PHACTR3: variants seen among roughly 807,000 people sequenced by gnomAD.
The protein encoded by PHACTR3 is phosphatase and actin regulator 3.
A neutral mutation model predicts 66.8 loss-of-function variants in PHACTR3; 16 were observed. The ratio of observed to expected loss-of-function variants is 0.24; its 90% CI spans 0.16 to 0.36. PHACTR3 has a LOEUF of 0.36. Among genes scored for constraint, PHACTR3 ranks in the 10% least tolerant of loss-of-function variants. The pLI is 1.00. For synonymous variants in PHACTR3, 323 were observed against 292.1 expected (o/e 1.11, Z -1.08); for missense variants, 647 against 719.9 (o/e 0.90, Z 1.16).
intron 1 of PHACTR3, among the ~76,000 whole-genome samples, chr20:59,719,270 A>T (rs1446375390): frequency 1.3e-5 from 2 of 151,986 alleles, no homozygotes; most frequent in African/African-American, 4.8e-5. Context: ...GGTTCAAGCA[A>T]TTCTCTGCCT....
At chr20:59,716,317 A>G (rs6070921) in intron 1 of PHACTR3, among the ~76,000 whole-genome samples, 8,983 of 148,410 alleles carry the variant, frequency 0.061, 299 homozygotes, top group Non-Finnish European at 0.081. Context: ...TGCGATCTCG[A>G]TCTCAGCTCA....
chr20:59,641,671 C>A (rs373923278), intron 1 of PHACTR3, among the ~76,000 whole-genome samples: 63 of 152,256 alleles, frequency 4.1e-4, no homozygotes, highest in African/African-American at 1.5e-3. Context: ...TGTGTGGGCA[C>A]CCTCAGGCCC....
intron 1 of PHACTR3, among the ~76,000 whole-genome samples, chr20:59,684,158 G>A (rs994204679): frequency 2.6e-5 from 4 of 152,208 alleles, no homozygotes; most frequent in Non-Finnish European, 4.4e-5. Context: ...TCTGGGCACA[G>A]GCTTTCTCTC....
At chr20:59,780,190 G>A (rs1184471721) in intron 7 of PHACTR3, among the ~76,000 whole-genome samples, 1 of 152,170 alleles carries the variant, frequency 6.6e-6, no homozygotes, top group Non-Finnish European at 1.5e-5. Context: ...TGCTCCTCCT[G>A]CAGACAGCTT....
intron 8 of PHACTR3, among the ~76,000 whole-genome samples, chr20:59,828,061 C>T (rs1348506557): frequency 6.6e-6 from 1 of 152,222 alleles, no homozygotes; most frequent in Non-Finnish European, 1.5e-5. Context: ...CCCCATTCCA[C>T]TTGACTTCTG....
chr20:59,578,801 G>A (rs1223371411), intron 1 of PHACTR3, among the ~76,000 whole-genome samples: 3 of 152,192 alleles, frequency 2.0e-5, no homozygotes, highest in African/African-American at 7.2e-5. Context: ...TTGAGAGCCC[G>A]CTATCTGCCA....
intron 10 of PHACTR3, 152 bp from the exon 11 acceptor site, chr20:59,841,243 A>C (rs1349650921): frequency 1.5e-6 from 1 of 688,592 alleles, no homozygotes; most frequent in Non-Finnish European, 2.4e-6. Flanking sequence ...TCAGCCCTTC[A>C]CATTAGAGAT....
upstream of PHACTR3, among the ~76,000 whole-genome samples, chr20:59,599,781 C>T (rs55745252): frequency 7.5e-3 from 1,143 of 152,302 alleles, 10 homozygotes; most frequent in African/African-American, 0.026. Flanking sequence ...CTGTGGGAGC[C>T]ACCTTCAGAG....
intron 1 of PHACTR3, among the ~76,000 whole-genome samples, chr20:59,680,179 G>A (rs1300521340): frequency 2.0e-5 from 3 of 152,020 alleles, no homozygotes; most frequent in Admixed American, 2.0e-4. Flanking sequence ...GATGTGTTGT[G>A]CTGAACCCCT....
At chr20:59,723,949 TC>T (rs1393121436) in intron 1 of PHACTR3, among the ~76,000 whole-genome samples, 1 of 152,082 alleles carries the variant, frequency 6.6e-6, no homozygotes, top group East Asian at 1.9e-4. Context: ...CCAGACTCCT[TC>T]CATGTTGGCT....
rs1197142156 is a variant in PHACTR3 at position 59,755,204 on chromosome 20, C to A, written c.381C>A (p.Asn127Lys). The A allele has an allele frequency of 1.9e-6, 3 of 1,612,970 alleles. No individual in the cohort carries two copies. The highest frequency in any genetic ancestry group is 2.5e-6 in the Non-Finnish European group (3 of 1,179,920). The change falls in exon 4 of 13, where the codon AAC (asparagine) becomes AAA (lysine). Residue 127 changes from asparagine (N) to lysine (K), a missense_variant. Asn to Lys is a moderately conservative substitution (Grantham distance 94, BLOSUM62 0). Around this residue, in one of 2 missense-constraint regions of PHACTR3, gnomAD observed 577 missense variants for 571.1 expected, o/e 1.01. Coordinates refer to ENST00000371015, the MANE Select transcript of PHACTR3 (RefSeq NM_080672.5). The part of the protein sequence containing the change: ...MEQDAESKTC[N>K]PDGGPRSVQS... Reference sequence around the variant, plus strand: ...TAGATGCTGAAAGCAAAACTTGCAACCCCGATGGAGGACCCCGATCTGTAC... The same window carrying A: ...TAGATGCTGAAAGCAAAACTTGCAAACCCGATGGAGGACCCCGATCTGTAC...
intron 8 of PHACTR3, among the ~76,000 whole-genome samples, chr20:59,816,563 C>A (rs1245073344): frequency 6.6e-6 from 1 of 152,190 alleles, no homozygotes; most frequent in Admixed American, 6.5e-5. Flanking sequence ...TTTCACAACT[C>A]CCTGGAACTC....
At position 59,839,987 on chromosome 20, in the gene PHACTR3, G is replaced by A. The variant is rs1239184744; in HGVS notation, c.1385-382G>A. 3.3e-5 allele frequency among the ~76,000 whole-genome samples: 5 copies of A among 152,190 alleles called. No homozygotes were observed. The South Asian group carries it at 1.0e-3, about 32-fold the overall frequency. On this transcript the variant is annotated intron_variant, in intron 9 of 12. Transcript: ENST00000371015. The stretch of plus-strand genomic sequence containing the variant: ...ATGTACATATACATTTATTTACTTA[G>A]TCTACTACAGCTTTTTTTATGTGGC...
At chr20:59,841,650 C>G (rs1237660832) in intron 11 of PHACTR3, 115 bp downstream of exon 11, 3 of 1,068,102 alleles carry the variant, frequency 2.8e-6, no homozygotes, top group Non-Finnish European at 3.8e-6. Context: ...TAAGGGTATA[C>G]TGCAGTAAAT....
intron 1 of PHACTR3, among the ~76,000 whole-genome samples, chr20:59,684,408 G>A (rs980484840): frequency 6.6e-6 from 1 of 152,172 alleles, no homozygotes; most frequent in African/African-American, 2.4e-5. Flanking sequence ...GGTTGCCCAG[G>A]CCTGGAGGTG....
intron 1 of PHACTR3, among the ~76,000 whole-genome samples, chr20:59,585,247 C>T (rs2032988780): frequency 6.6e-6 from 1 of 152,178 alleles, no homozygotes; most frequent in African/African-American, 2.4e-5. Context: ...GAACCCACCT[C>T]TCAGTGGGAG....
rs1262140031 is a variant in PHACTR3, at chr20:59,822,175, GATCCCACCCCCTCCGCAGCC to G, written c.1329-14295_1329-14276del. On this transcript the variant is annotated intron_variant, in intron 8 of 12. Transcript: ENST00000371015. ...GCAGCGATCCCACCCCTTCCGCAGC[GATCCCACCCCCTCCGCAGCC>G]ATCCCACCCCCTCCGCAGCCATCCC... Among the ~76,000 whole-genome samples, 17 of 23,242 alleles carry G rather than the reference GATCCCACCCCCTCCGCAGCC, an allele frequency of 7.3e-4. 1 individual carries two copies. Among genetic ancestry groups the G allele is most frequent in the South Asian group, 3.4e-3 (1 of 290 alleles). The allele number at this position is 23,242 out of a possible 152,430, so 15.2% of individuals were successfully genotyped here. A position where few individuals can be genotyped will look rare whatever the true frequency, so the allele number is the denominator to read the frequency against.
chr20:59,588,504 T>C (rs951634569), intron 1 of PHACTR3, among the ~76,000 whole-genome samples: 10 of 152,178 alleles, frequency 6.6e-5, no homozygotes, highest in East Asian at 1.9e-4. Flanking sequence ...TCTCAGCTCT[T>C]CCTGGCTGAA....
Position 59,783,780 on chromosome 20 carries a change from G to A in PHACTR3, c.1174+9290G>A, listed in dbSNP as rs145364613. Among the ~76,000 whole-genome samples the A allele has an allele frequency of 6.8e-3, 1,030 of 152,362 alleles. 18 individuals are homozygous for A. Among genetic ancestry groups the A allele is most frequent in the African/African-American group, 0.024 (980 of 41,594 alleles). On this transcript the variant is annotated intron_variant, in intron 7 of 12. Coordinates refer to ENST00000371015, the MANE Select transcript of PHACTR3 (RefSeq NM_080672.5). ...GCCCGCAGGTGCCTGCAGCAAGGGG[G>A]AGGCAGGAGCCCCCAGGAGGTGATT...
Sources: gnomAD v4.1 joint callset for allele counts (sites outside exome capture counted in the v4.1 genomes callset) on GRCh38, gnomAD v4.1.1 for gene constraint, gnomAD v4.1.1 regional missense constraint, MANE v1.5 for transcripts, NCBI Gene and HGNC (gene_info 2026-07-23, HGNC 2026-07-21) for gene names.